The following RPL38 variants were observed in gnomAD, a reference collection of about 807,000 sequenced individuals.
RPL38 encodes the protein ribosomal protein L38.
RPL38 carries 2 observed loss-of-function variants against 12.8 expected under a neutral mutation model. That is an observed-to-expected ratio of 0.16 (90% CI 0.06 to 0.49). The LOEUF (loss-of-function observed/expected upper bound fraction) is 0.49. Ranked by LOEUF, RPL38 falls within the 20% of genes least tolerant of loss-of-function variation. The pLI, the probability that RPL38 is intolerant of heterozygous loss-of-function variation, is 0.96. For missense variants in RPL38, 52 were observed against 79.8 expected, an observed-to-expected ratio of 0.65 and a Z score of 1.33; for synonymous variants, 42 against 30.1, an observed-to-expected ratio of 1.39 and a Z score of -1.29.
chr17:74,204,642 C>T, intron 3 of RPL38: 1 of 167,412 alleles, frequency 6.0e-6, no homozygotes, highest in Non-Finnish European at 1.3e-5. Context: ...CCTCGTGATC[C>T]TGTGGTCGCT....
chr17:74,204,432 C>G, intron 3 of RPL38: 1 of 535,946 alleles, frequency 1.9e-6, no homozygotes, highest in South Asian at 2.1e-5. Context: ...GCCCTGAGTT[C>G]AGTTTTCTTT....
At chr17:74,206,353 G>C (rs2050113546) in intron 3 of RPL38, 1 of 152,152 alleles carries the variant, frequency 6.6e-6, no homozygotes, top group African/African-American at 2.4e-5. Flanking sequence ...AGGATTGCTT[G>C]AATCCAGGAA....
At position 74,207,012 on chromosome 17, in the gene RPL38, G is replaced by C. The variant is rs181532753; in HGVS notation, c.65-2175G>C. Among the ~76,000 whole-genome samples, 369 of 150,684 alleles carry C rather than the reference G, an allele frequency of 2.4e-3. 1 individual carries two copies. The highest frequency in any genetic ancestry group is 8.4e-3 in the African/African-American group (343 of 40,988). ...ATTACAGGCGTGAGCCACTGTGCCC[G>C]GCCTGCAATTTGCTTTTTTTAAACA... On this transcript the variant is annotated intron_variant, in intron 3 of 4. Transcript: ENST00000311111.
rs762175758 is a variant in RPL38 at position 74,204,202 on chromosome 17, C to T, written c.64+12C>T. 2.0e-5 allele frequency: 33 copies of T among 1,613,518 alleles called. No individual in the cohort carries two copies. Among genetic ancestry groups the T allele is most frequent in the African/African-American group, 2.7e-5 (2 of 74,904 alleles). ...AAAGGATGCCAAATGTAAGTGGTTGCTCCGAAGGTTCAAGAAGAGCGGTGC... is the reference window on the plus strand; with the variant it reads ...AAAGGATGCCAAATGTAAGTGGTTGTTCCGAAGGTTCAAGAAGAGCGGTGC... On this transcript the variant is annotated intron_variant, in intron 3 of 4. Coordinates refer to ENST00000311111, the MANE Select transcript of RPL38 (RefSeq NM_000999.4).
intron 1 of RPL38, 71 bp from the exon 2 acceptor site, chr17:74,203,847 G>A: frequency 7.3e-7 from 1 of 1,363,902 alleles, no homozygotes; most frequent in African/African-American, 1.4e-5. Flanking sequence ...CGATATTTCG[G>A]GGGAGAGCGG....
chr17:74,203,899 C>G lies in RPL38; in HGVS notation c.-38-19C>G. Reference sequence around the variant, plus strand: ...GCCAGCCCCCGCGCCGTGTTAACGCCGAGGACTGTTTCCCGCAGGTCCTGG... The same window carrying G: ...GCCAGCCCCCGCGCCGTGTTAACGCGGAGGACTGTTTCCCGCAGGTCCTGG... On this transcript the variant is annotated intron_variant, in intron 1 of 4. Coordinates refer to ENST00000311111, the MANE Select transcript of RPL38 (RefSeq NM_000999.4). The G allele has an allele frequency of 6.4e-7, 1 of 1,573,860 alleles. No individual in the cohort carries two copies. Among genetic ancestry groups the G allele is most frequent in the South Asian group, 1.1e-5 (1 of 86,958 alleles).
chr17:74,207,453 G>C (rs2050125456), intron 3 of RPL38, among the ~76,000 whole-genome samples: 1 of 152,208 alleles, frequency 6.6e-6, no homozygotes, highest in Non-Finnish European at 1.5e-5. Context: ...TTCTGTGGTT[G>C]CTATCTGTTC....
intron 3 of RPL38, among the ~76,000 whole-genome samples, chr17:74,207,923 A>T (rs1367676170): frequency 1.3e-5 from 2 of 152,204 alleles, no homozygotes; most frequent in Non-Finnish European, 2.9e-5. Flanking sequence ...AGGTGTCTGG[A>T]TGTATTAAGA....
rs761073071 is a variant in RPL38, at chr17:74,204,010, G to GGGGCGA, written c.3+60_3+65dup. On this transcript the variant is annotated intron_variant, in intron 2 of 4. Transcript: ENST00000311111. The stretch of plus-strand genomic sequence containing the variant: ...TCCCGGGGTGGGCTCGTGGGGCCCC[G>GGGGCGA]GGGCGAGGGCGAGAGAGCCTCCCAA... 6.2e-6 allele frequency: 10 copies of GGGGCGA among 1,612,884 alleles called. No homozygotes were observed. The East Asian group carries it at 2.2e-4, about 36-fold the overall frequency.
rs896201042 is a variant in RPL38, at chr17:74,203,992, G to A, written c.3+34G>A. ...AGTCCCTGCCTGGCGCCTTCCCGGGGTGGGCTCGTGGGGCCCCGGGGCGAG... is the reference window on the plus strand; with the variant it reads ...AGTCCCTGCCTGGCGCCTTCCCGGGATGGGCTCGTGGGGCCCCGGGGCGAG... On this transcript the variant is annotated intron_variant, in intron 2 of 4. Transcript: ENST00000311111. The A allele has an allele frequency of 4.3e-6, 7 of 1,612,914 alleles. No homozygotes were observed. In the East Asian group the frequency reaches 8.9e-5, roughly 21 times the overall value.
chr17:74,205,702 C>G (rs549426212), intron 3 of RPL38: 1 of 152,176 alleles, frequency 6.6e-6, no homozygotes, highest in Non-Finnish European at 1.5e-5. Flanking sequence ...AAGTTAAACA[C>G]GACACCACCG....
intron 3 of RPL38, chr17:74,204,488 A>G: frequency 2.3e-6 from 1 of 429,972 alleles, no homozygotes; most frequent in South Asian, 2.4e-5. Flanking sequence ...ACTCCGCGAA[A>G]GCCTCAAAAC....
At chr17:74,206,616 G>A (rs1250892562) in intron 3 of RPL38, among the ~76,000 whole-genome samples, 1 of 151,846 alleles carries the variant, frequency 6.6e-6, no homozygotes, top group African/African-American at 2.4e-5. Context: ...CCCCATACAA[G>A]TGGGTCTGCT....
At chr17:74,204,233 C>G in intron 3 of RPL38, 43 bp downstream of exon 3, 2 of 1,555,512 alleles carry the variant, frequency 1.3e-6, no homozygotes, top group Non-Finnish European at 1.8e-6. Flanking sequence ...GGTGCCTAGC[C>G]TGGCACCGCT....
At chr17:74,206,473 C>T (rs2050114905) in intron 3 of RPL38, among the ~76,000 whole-genome samples, 1 of 152,112 alleles carries the variant, frequency 6.6e-6, no homozygotes, top group African/African-American at 2.4e-5. Flanking sequence ...GAGCAGCTGC[C>T]ACCATCACCG....
At chr17:74,204,259 C>A in intron 3 of RPL38, 69 bp downstream of exon 3, 1 of 1,442,052 alleles carries the variant, frequency 6.9e-7, no homozygotes. Context: ...AGCGTCTTCC[C>A]CGGAATGTCA....
intron 3 of RPL38, among the ~76,000 whole-genome samples, chr17:74,207,054 C>G (rs531513379): frequency 7.9e-4 from 120 of 152,060 alleles, no homozygotes; most frequent in Admixed American, 2.3e-3. Flanking sequence ...CACTCCTGCC[C>G]AGGCTGGAGT....
Position 74,210,073 on chromosome 17 carries a change from C to T in RPL38, c.*244C>T, listed in dbSNP as rs189223075. On this transcript the variant is annotated 3_prime_UTR_variant, in exon 5 of 5. Transcript: ENST00000311111. ...TGCGATATCAGCTCACTACCACCTC[C>T]GCCTCCTGGGTTCAAGCGACTGTCC... 1,620 of 417,786 alleles carry T rather than the reference C, an allele frequency of 3.9e-3. 8 individuals carry two copies. The highest frequency in any genetic ancestry group is 5.3e-3 in the Non-Finnish European group (1,246 of 234,360). The allele number at this position is 417,786 out of a possible 1,614,324, so 25.9% of individuals were successfully genotyped here.
At chr17:74,206,472 C>G (rs1183086601) in intron 3 of RPL38, among the ~76,000 whole-genome samples, 1 of 152,104 alleles carries the variant, frequency 6.6e-6, no homozygotes, top group Non-Finnish European at 1.5e-5. Context: ...TGAGCAGCTG[C>G]CACCATCACC....
Sources: gnomAD v4.1 joint callset for allele counts (sites outside exome capture counted in the v4.1 genomes callset) on GRCh38, gnomAD v4.1.1 for gene constraint, MANE v1.5 for transcripts, NCBI Gene and HGNC (gene_info 2026-07-23, HGNC 2026-07-21) for gene names.